CD99L2: variants seen among roughly 807,000 people sequenced by gnomAD.
The protein encoded by CD99L2 is CD99 antigen-like protein 2.
Under a neutral mutation model 27.3 loss-of-function variants are expected in CD99L2, and 24 were observed. The observed-to-expected ratio is 0.88, with a 90% CI of 0.64 to 1.24. The LOEUF (loss-of-function observed/expected upper bound fraction) is 1.24, where lower values mean the gene tolerates loss of function less well. Among genes scored for constraint, CD99L2 ranks in the 50% most tolerant of loss-of-function variants. The pLI is 0.00. For synonymous variants in CD99L2, 97 were observed against 87.9 expected, an observed-to-expected ratio of 1.10 and a Z score of -0.58; for missense variants, 255 against 221.6, an observed-to-expected ratio of 1.15 and a Z score of -0.96.
intron 1 of CD99L2, among the ~76,000 whole-genome samples, chrX:150,838,928 G>GA (rs1160295366): frequency 1.3e-5 from 1 of 79,984 alleles, no homozygotes; most frequent in Non-Finnish European, 2.4e-5. Flanking sequence ...TGGGGGGGGG[G>GA]GTGTAAATAG....
intron 7 of CD99L2, among the ~76,000 whole-genome samples, chrX:150,783,487 A>T (rs1382442952): frequency 9.0e-6 from 1 of 111,553 alleles, no homozygotes; most frequent in African/African-American, 3.3e-5. Context: ...CAACCCAGAC[A>T]CATGGGTAAG....
At chrX:150,890,440 T>C (rs2047493617) in intron 1 of CD99L2, among the ~76,000 whole-genome samples, 1 of 111,210 alleles carries the variant, frequency 9.0e-6, no homozygotes, top group African/African-American at 3.3e-5. Context: ...GATTGCGCCA[T>C]TGCACTCCAG....
intron 1 of CD99L2, among the ~76,000 whole-genome samples, chrX:150,879,751 A>T (rs12840063): frequency 4.6e-3 from 220 of 47,330 alleles, no homozygotes; most frequent in South Asian, 8.3e-3. Context: ...TACAAAAACT[A>T]AAAAAAAAAA....
chrX:150,833,054 CA>C (rs371565041), intron 1 of CD99L2, among the ~76,000 whole-genome samples: 6,328 of 44,312 alleles, frequency 0.14, 327 homozygotes, highest in African/African-American at 0.3. Context: ...GACTCTGTCT[CA>C]AAAAAAAAAA....
intron 1 of CD99L2, among the ~76,000 whole-genome samples, chrX:150,840,128 A>G (rs2046599841): frequency 9.1e-6 from 1 of 109,556 alleles, no homozygotes. Context: ...CTTGAGTCTG[A>G]GAGGTTGAGG....
At position 150,795,471 on chromosome X, in the gene CD99L2, A is replaced by G. The variant is rs782717539; in HGVS notation, c.293T>C (p.Val98Ala). ...GIGGRERWNH[V>A]TTTTKRPVTT... ...TACTGGCCTCTTGGTCGTGGTGGTT[A>G]CATGGTTCCATCTCTCTAAAAGGGG... Residue 98 changes from valine to alanine, a missense_variant, in exon 5 of 11, where the codon GTA becomes GCA. Physicochemically the swap from Val to Ala is moderately conservative, Grantham distance 64. Transcript: ENST00000370377. 4 of 1,211,159 alleles carry G rather than the reference A, an allele frequency of 3.3e-6. No homozygotes were observed. The South Asian group carries it at 5.3e-5, about 16-fold the overall frequency.
At chrX:150,837,006 T>A (rs1225718335) in intron 1 of CD99L2, among the ~76,000 whole-genome samples, 3 of 112,195 alleles carry the variant, frequency 2.7e-5, no homozygotes, top group African/African-American at 9.7e-5. Context: ...GAAATATTTA[T>A]AGCCATGAGT....
At chrX:150,837,661 G>C (rs937604347) in intron 1 of CD99L2, among the ~76,000 whole-genome samples, 27 of 112,318 alleles carry the variant, frequency 2.4e-4, no homozygotes, top group African/African-American at 8.4e-4. Flanking sequence ...CTTTTTTCAG[G>C]ACGGATATTA....
intron 1 of CD99L2, among the ~76,000 whole-genome samples, chrX:150,874,559 GGGGGGC>G (rs782237666): frequency 9.6e-4 from 104 of 108,514 alleles, no homozygotes; most frequent in Non-Finnish European, 1.4e-3. Context: ...TCCACCAAAT[GGGGGGC>G]GGGGGCGGGG....
intron 4 of CD99L2, among the ~76,000 whole-genome samples, chrX:150,812,313 A>G (rs1332411711): frequency 8.9e-6 from 1 of 112,489 alleles, no homozygotes; most frequent in Admixed American, 9.4e-5. Flanking sequence ...ATATCTGACT[A>G]AGGACAAATG....
At chrX:150,843,421 G>A (rs1447991948) in intron 1 of CD99L2, among the ~76,000 whole-genome samples, 2 of 110,553 alleles carry the variant, frequency 1.8e-5, no homozygotes, top group African/African-American at 3.3e-5. Context: ...AGGCCGAGGC[G>A]GGCAGATCAT....
rs138633089 is a variant in CD99L2, at chrX:150,806,963, T to C, written c.277+7899A>G. On this transcript the variant is annotated intron_variant, in intron 4 of 10. Coordinates refer to ENST00000370377, the MANE Select transcript of CD99L2 (RefSeq NM_031462.4). ...ATACACAGGCAACTTTCCAGAGAACTAAAGCTTGTTCCTTCCTATGGCCAA... is the reference window on the plus strand; with the variant it reads ...ATACACAGGCAACTTTCCAGAGAACCAAAGCTTGTTCCTTCCTATGGCCAA... 5.1e-3 allele frequency among the ~76,000 whole-genome samples: 572 copies of C among 111,599 alleles called. 7 individuals are homozygous for C. Among genetic ancestry groups the C allele is most frequent in the Middle Eastern group, 0.014 (3 of 214 alleles).
intron 6 of CD99L2, among the ~76,000 whole-genome samples, chrX:150,794,849 A>G (rs1196419364): frequency 8.9e-6 from 1 of 112,493 alleles, no homozygotes; most frequent in Admixed American, 9.4e-5. Flanking sequence ...GCAAAAATGT[A>G]ACAGCGTGCC....
intron 2 of CD99L2, among the ~76,000 whole-genome samples, chrX:150,829,932 G>A (rs1287805116): frequency 9.0e-6 from 1 of 110,848 alleles, no homozygotes; most frequent in Non-Finnish European, 1.9e-5. Context: ...TGAGGCGGGC[G>A]GATTGCCTGA....
intron 1 of CD99L2, among the ~76,000 whole-genome samples, chrX:150,879,643 C>G (rs557013111): frequency 1.3e-4 from 14 of 105,430 alleles, no homozygotes; most frequent in African/African-American, 4.9e-4. Flanking sequence ...TGTGGTGGCT[C>G]ACACTTGTAA....
chrX:150,823,577 C>A (rs782805250), intron 2 of CD99L2, among the ~76,000 whole-genome samples: 1 of 111,846 alleles, frequency 8.9e-6, no homozygotes, highest in Non-Finnish European at 1.9e-5. Context: ...TGAGCCACCA[C>A]GCCCAGCTGA....
At chrX:150,869,564 C>T (rs2047122552) in intron 1 of CD99L2, among the ~76,000 whole-genome samples, 1 of 111,933 alleles carries the variant, frequency 8.9e-6, no homozygotes, top group Admixed American at 9.5e-5. Context: ...TGGATCTTCC[C>T]AAGGTGCTCT....
At chrX:150,897,197 T>G (rs1280134844) in intron 1 of CD99L2, among the ~76,000 whole-genome samples, 4 of 112,510 alleles carry the variant, frequency 3.6e-5, no homozygotes, top group Admixed American at 9.4e-5. Flanking sequence ...ATTCAACAAC[T>G]CTTTACCCCT....
intron 1 of CD99L2, among the ~76,000 whole-genome samples, chrX:150,858,848 C>A (rs1421618025): frequency 9.0e-6 from 1 of 111,190 alleles, no homozygotes; most frequent in Non-Finnish European, 1.9e-5. Context: ...AAGATCAGAG[C>A]AGAACTAAAT....
Sources: gnomAD v4.1 joint callset for allele counts (sites outside exome capture counted in the v4.1 genomes callset) on GRCh38, gnomAD v4.1.1 for gene constraint, MANE v1.5 for transcripts, NCBI Gene and HGNC (gene_info 2026-07-23, HGNC 2026-07-21) for gene names.